Variants in EMP1 observed in about 807,000 individuals in gnomAD.
EMP1 encodes epithelial membrane protein 1, also known as tumor-associated membrane protein.
EMP1 carries 5 observed loss-of-function variants against 15.7 expected under a neutral mutation model. That is an observed-to-expected ratio of 0.32 (90% CI 0.17 to 0.67). EMP1 has a LOEUF of 0.67. Ranked by LOEUF, EMP1 falls within the 30% of genes least tolerant of loss-of-function variation. The probability of loss-of-function intolerance (pLI) is 0.74; values close to 1 mark genes in which losing one functional copy is unlikely to be tolerated. For synonymous variants in EMP1, 78 were observed against 76.7 expected (o/e 1.02, Z -0.09); for missense variants, 166 against 194.2 (o/e 0.85, Z 0.86).
rs796692534 is a variant in EMP1, at chr12:13,216,828, CATTT to C, written c.*2140_*2143del. The C allele has an allele frequency of 4.9e-4, 91 of 185,846 alleles. No individual in the cohort carries two copies. Among genetic ancestry groups the C allele is most frequent in the South Asian group, 4.5e-3 (29 of 6,514 alleles). The allele number at this position is 185,846 out of a possible 1,614,324, so 11.5% of individuals were successfully genotyped here. On this transcript the variant is annotated 3_prime_UTR_variant, in exon 5 of 5. Coordinates refer to ENST00000256951, the MANE Select transcript of EMP1 (RefSeq NM_001423.3). ...TGTGGAGAAATATGGATAATTATGA[CATTT>C]ATCCCTCATTAAGCTGCCTATCAGT... is the stretch of plus-strand genomic sequence containing the variant.
At position 13,213,488 on chromosome 12, in the gene EMP1, G is replaced by A; in HGVS notation, c.88G>A (p.Val30Ile). 5.0e-6 allele frequency: 8 copies of A among 1,614,136 alleles called. No homozygotes were observed. Among genetic ancestry groups the A allele is most frequent in the Non-Finnish European group, 6.8e-6 (8 of 1,180,002 alleles). ...FVSTIANVWL[V>I]SNTVDASVGL... The stretch of plus-strand genomic sequence containing the variant: ...TTCCTTCTGGTTTCAGGTCTGGTTG[G>A]TTTCCAATACGGTAGATGCATCAGT... Residue 30 changes from valine (V) to isoleucine (I), a missense_variant, in exon 3 of 5, where the codon GTT (valine) becomes ATT (isoleucine). By Grantham distance (29) the Val-to-Ile change is conservative. Coordinates refer to ENST00000256951, the MANE Select transcript of EMP1 (RefSeq NM_001423.3).
intron 1 of EMP1, among the ~76,000 whole-genome samples, chr12:13,197,250 C>G (rs920576038): frequency 6.6e-6 from 1 of 152,018 alleles, no homozygotes; most frequent in African/African-American, 2.4e-5. Flanking sequence ...CGGGAACTGG[C>G]CAGATGTTTT....
intron 1 of EMP1, among the ~76,000 whole-genome samples, chr12:13,210,536 C>T (rs547812498): frequency 1.3e-5 from 2 of 152,350 alleles, no homozygotes; most frequent in South Asian, 4.1e-4. Context: ...TATCCATGCA[C>T]ATTCTTAATC....
chr12:13,211,651 C>A lies in EMP1; in HGVS notation c.78+63C>A. The A allele has an allele frequency of 6.3e-7, 1 of 1,589,112 alleles. No individual in the cohort carries two copies. ...ATCATTCGAATATTTACATCAAGTG[C>A]ACAAAAGAAGTTTAAGCCACAGCCC... On this transcript the variant is annotated intron_variant, in intron 2 of 4. Coordinates refer to ENST00000256951, the MANE Select transcript of EMP1 (RefSeq NM_001423.3). The surrounding 1 kb of genome is among the most constrained non-coding windows in gnomAD (Gnocchi z 4.7).
chr12:13,211,366 C>A lies in EMP1; in HGVS notation c.-42-103C>A. ...GATTAGATTGTGATGGTTTTTAGTG[C>A]AGCTCTTCCTCATGTTAGCAGATAG... On this transcript the variant is annotated intron_variant, in intron 1 of 4. Coordinates refer to ENST00000256951, the MANE Select transcript of EMP1 (RefSeq NM_001423.3). This position sits in a 1 kb window ranked among gnomAD's most constrained non-coding sequence, Gnocchi z 4.7. 2 of 764,460 alleles carry A rather than the reference C, an allele frequency of 2.6e-6. No homozygotes were observed. Among genetic ancestry groups the A allele is most frequent in the Non-Finnish European group, 4.4e-6 (2 of 450,360 alleles). 47.4% of individuals were successfully genotyped at this position (764,460 alleles called of 1,614,324 possible). A position where few individuals can be genotyped will look rare whatever the true frequency, so the allele number is the denominator to read the frequency against.
intron 4 of EMP1, chr12:13,214,273 T>C: frequency 1.7e-6 from 1 of 599,354 alleles, no homozygotes; most frequent in Non-Finnish European, 2.9e-6. Context: ...AGCTGGGTGG[T>C]AGGCATGAGG....
intron 1 of EMP1, among the ~76,000 whole-genome samples, chr12:13,204,593 A>G (rs1373702580): frequency 2.6e-5 from 4 of 152,178 alleles, no homozygotes; most frequent in Non-Finnish European, 5.9e-5. Flanking sequence ...GTGGTGTCTT[A>G]GGAAGGAGAG....
rs764712996 is a variant in EMP1 at position 13,213,623 on chromosome 12, G to T, written c.175+48G>T. 1.1e-5 allele frequency: 17 copies of T among 1,613,996 alleles called. No homozygotes were observed. The Admixed American group carries it at 2.8e-4, about 27-fold the overall frequency. On this transcript the variant is annotated intron_variant, in intron 3 of 4. Transcript: ENST00000256951. ...AGTGCTGACAATAGGTGTGGTCAGG[G>T]AATGTTCAGCCCCTGGAGTGACCTC... is the stretch of plus-strand genomic sequence containing the variant.
Position 13,216,314 on chromosome 12 carries a change from G to T in EMP1, c.*1623G>T. 2.9e-6 allele frequency: 2 copies of T among 688,802 alleles called. No homozygotes were observed. The highest frequency in any genetic ancestry group is 1.5e-5 in the South Asian group (1 of 64,866). The allele number at this position is 688,802 out of a possible 1,614,324, so 42.7% of individuals were successfully genotyped here. Reference sequence around the variant, plus strand: ...GGGAGTTGTTATGCCATGATTTTTGGTATTTATGTAAAAGGATTATTACTA... The same window carrying T: ...GGGAGTTGTTATGCCATGATTTTTGTTATTTATGTAAAAGGATTATTACTA... On this transcript the variant is annotated 3_prime_UTR_variant, in exon 5 of 5. Transcript: ENST00000256951.
chr12:13,211,926 G>C lies in EMP1; in HGVS notation c.78+338G>C, dbSNP rs1864167901. ...TGGTAGATGGCTGAGGTTTCTCTTA[G>C]TGAAAGAGGGAAGGTGGAAGGATCA... On this transcript the variant is annotated intron_variant, in intron 2 of 4. Coordinates refer to ENST00000256951, the MANE Select transcript of EMP1 (RefSeq NM_001423.3). This position sits in a 1 kb window ranked among gnomAD's most constrained non-coding sequence, Gnocchi z 4.7. 1 of 296,250 alleles carries C rather than the reference G, an allele frequency of 3.4e-6. No individual in the cohort carries two copies. Among genetic ancestry groups the C allele is most frequent in the Admixed American group, 4.9e-5 (1 of 20,372 alleles). 18.4% of individuals were successfully genotyped at this position (296,250 alleles called of 1,614,324 possible). A position where few individuals can be genotyped will look rare whatever the true frequency, so the allele number is the denominator to read the frequency against.
chr12:13,214,686 A>C lies in EMP1; in HGVS notation c.469A>C (p.Lys157Gln). The C allele has an allele frequency of 6.2e-7, 1 of 1,609,780 alleles. No individual in the cohort carries two copies. The highest frequency in any genetic ancestry group is 8.5e-7 in the Non-Finnish European group (1 of 1,177,636). Residue 157 changes from lysine (K) to glutamine (Q), a missense_variant, in exon 5 of 5, where the codon AAA (lysine) becomes CAA (glutamine). Coordinates refer to ENST00000256951, the MANE Select transcript of EMP1 (RefSeq NM_001423.3). ...IGVLYLVLRK[K>Q] ...CGTTCTCTATCTGGTCCTGAGAAAG[A>C]AATAAGGCCGGACGAGTTCATGGGG...
intron 1 of EMP1, among the ~76,000 whole-genome samples, chr12:13,208,225 G>A (rs1864131308): frequency 6.6e-6 from 1 of 152,240 alleles, no homozygotes. Context: ...ATGGGGCAGA[G>A]AATGAATCTC....
At position 13,213,701 on chromosome 12, in the gene EMP1, G is replaced by A; in HGVS notation, c.196G>A (p.Ala66Thr). The change falls in exon 4 of 5, where the codon GCC (alanine) becomes ACC (threonine). Residue 66 changes from alanine to threonine, a missense_variant. By Grantham distance (58) the Ala-to-Thr change is moderately conservative. Coordinates refer to ENST00000256951, the MANE Select transcript of EMP1 (RefSeq NM_001423.3). ...TACAGATGCCCTCAAGACAGTGCAG[G>A]CCTTCATGATTCTCTCTATCATCTT... ...ASEDALKTVQAFMILSIIFCV... is the reference protein window; with the variant it reads ...ASEDALKTVQTFMILSIIFCV... 3 of 1,614,192 alleles carry A rather than the reference G, an allele frequency of 1.9e-6. No individual in the cohort carries two copies. The highest frequency in any genetic ancestry group is 2.7e-5 in the African/African-American group (2 of 75,040).
intron 1 of EMP1, among the ~76,000 whole-genome samples, chr12:13,200,717 A>C (rs1864057990): frequency 6.6e-6 from 1 of 152,214 alleles, no homozygotes; most frequent in Non-Finnish European, 1.5e-5. Flanking sequence ...ACTAAAGCAG[A>C]AAGATGAAAG....
At position 13,214,589 on chromosome 12, in the gene EMP1, T is replaced by C. The variant is rs865827170; in HGVS notation, c.372T>C (p.Asp124=). The change falls in exon 5 of 5, where the codon GAT becomes GAC. Residue 124 remains aspartate, a synonymous_variant. Transcript: ENST00000256951. The part of the protein sequence containing the change: ...SIYTSHYANR[D]GTQYHHGYSY... ...ACACTAGTCATTATGCGAATCGTGA[T>C]GGAACGCAGTATCACCACGGCTATT... 6.2e-7 allele frequency: 1 copy of C among 1,614,004 alleles called. No homozygotes were observed. The highest frequency in any genetic ancestry group is 8.5e-7 in the Non-Finnish European group (1 of 1,180,002).
rs1055560653 is a variant in EMP1, at chr12:13,219,810, T to A, written c.*5119T>A. 1 of 152,246 alleles carries A rather than the reference T, an allele frequency of 6.6e-6. No homozygotes were observed. 9.4% of individuals were successfully genotyped at this position (152,246 alleles called of 1,614,324 possible). ...GTTAGTTCTAAAAATTTTCTTAAGT[T>A]GTTTGCTTGGAACTCAGAGTATATT... On this transcript the variant is annotated 3_prime_UTR_variant, in exon 5 of 5. Transcript: ENST00000256951.
rs1186704380 is a variant in EMP1, at chr12:13,213,711, TTCTCTC to T, written c.208_213del (p.Leu70_Ser71del). Reference sequence around the variant, plus strand: ...CTCAAGACAGTGCAGGCCTTCATGATTCTCTCTATCATCTTCTGTGTCATTGCCCTC... The same window carrying T: ...CTCAAGACAGTGCAGGCCTTCATGATTATCATCTTCTGTGTCATTGCCCTC... On this transcript the variant is annotated inframe_deletion, in exon 4 of 5. Transcript: ENST00000256951. 6.2e-7 allele frequency: 1 copy of T among 1,614,104 alleles called. No individual in the cohort carries two copies. Among genetic ancestry groups the T allele is most frequent in the Non-Finnish European group, 8.5e-7 (1 of 1,180,038 alleles).
chr12:13,216,485 A>C lies in EMP1; in HGVS notation c.*1794A>C. The C allele has an allele frequency of 1.4e-6, 1 of 702,102 alleles. No homozygotes were observed. Among genetic ancestry groups the C allele is most frequent in the Admixed American group, 2.0e-5 (1 of 49,858 alleles). The allele number at this position is 702,102 out of a possible 1,614,324, so 43.5% of individuals were successfully genotyped here. ...TGATTTCATTATCACATGATTATAG[A>C]AGGCTGTCTTAGTGCAAAAAACATA... On this transcript the variant is annotated 3_prime_UTR_variant, in exon 5 of 5. Transcript: ENST00000256951.
At chr12:13,205,401 A>C (rs1024463813) in intron 1 of EMP1, among the ~76,000 whole-genome samples, 5 of 152,238 alleles carry the variant, frequency 3.3e-5, no homozygotes, top group African/African-American at 1.2e-4. Flanking sequence ...AATATATAAC[A>C]AAGTTTGCAT....
Sources: gnomAD v4.1 joint callset for allele counts (sites outside exome capture counted in the v4.1 genomes callset) on GRCh38, gnomAD v4.1.1 for gene constraint, Gnocchi (gnomAD v3.1) non-coding constraint, MANE v1.5 for transcripts, NCBI Gene and HGNC (gene_info 2026-07-23, HGNC 2026-07-21) for gene names.